SSBP2: variants seen among roughly 807,000 people sequenced by gnomAD.
SSBP2 encodes single-stranded DNA-binding protein 2.
In SSBP2, 17 loss-of-function variants were observed where a neutral mutation model predicts 61.8. That is an observed-to-expected ratio of 0.28 (90% confidence interval 0.19 to 0.41). The LOEUF is 0.41. SSBP2 is among the 10% of genes least tolerant of loss of function. SSBP2 has a pLI of 1.00. For synonymous variants in SSBP2, 139 were observed against 141.3 expected (o/e 0.98, Z 0.12); for missense variants, 310 against 458.7 (o/e 0.68, Z 2.96).
intron 3 of SSBP2, among the ~76,000 whole-genome samples, chr5:81,635,692 T>A (rs1249204992): frequency 6.6e-6 from 1 of 151,510 alleles, no homozygotes; most frequent in Non-Finnish European, 1.5e-5. Flanking sequence ...CACGCCATTC[T>A]CCTGCCTTAG....
chr5:81,576,188 C>CT (rs576003769), intron 4 of SSBP2, among the ~76,000 whole-genome samples: 1,535 of 141,504 alleles, frequency 0.011, 23 homozygotes, highest in African/African-American at 0.031. Flanking sequence ...TATCAGGCTT[C>CT]TTTTTTTTTT....
chr5:81,690,505 A>T (rs72773081), intron 1 of SSBP2, among the ~76,000 whole-genome samples: 10,195 of 152,242 alleles, frequency 0.067, 494 homozygotes, highest in Middle Eastern at 0.12. Flanking sequence ...ATATAATGAT[A>T]AAGTGATCAA....
At chr5:81,475,315 GA>G (rs2154025084) in intron 6 of SSBP2, among the ~76,000 whole-genome samples, 1 of 152,176 alleles carries the variant, frequency 6.6e-6, no homozygotes, top group African/African-American at 2.4e-5. Flanking sequence ...CTTAAAGCAT[GA>G]AAGTTATATC....
intron 16 of SSBP2, among the ~76,000 whole-genome samples, 182 bp from the exon 17 acceptor site, chr5:81,420,715 G>C (rs1316937879): frequency 1.3e-5 from 2 of 152,110 alleles, no homozygotes; most frequent in African/African-American, 4.8e-5. Context: ...ACTTAACTTA[G>C]TACTGAAATT....
intron 4 of SSBP2, among the ~76,000 whole-genome samples, chr5:81,567,399 C>T (rs186710100): frequency 3.3e-5 from 5 of 152,258 alleles, no homozygotes; most frequent in Admixed American, 6.5e-5. Context: ...GTTGAGCCTG[C>T]GGGTGCACAG....
intron 1 of SSBP2, among the ~76,000 whole-genome samples, chr5:81,665,085 ACTT>A (rs780207705): frequency 4.6e-5 from 7 of 152,118 alleles, no homozygotes; most frequent in East Asian, 1.9e-4. Flanking sequence ...AGTTTTCTCT[ACTT>A]CTGTAAAAAA....
At chr5:81,480,135 T>C (rs1323476229) in intron 6 of SSBP2, among the ~76,000 whole-genome samples, 1 of 152,224 alleles carries the variant, frequency 6.6e-6, no homozygotes, top group East Asian at 1.9e-4. Context: ...TGAAATAGTA[T>C]AAAAATTTAT....
At chr5:81,508,705 G>T (rs1157616008) in intron 5 of SSBP2, among the ~76,000 whole-genome samples, 2 of 152,106 alleles carry the variant, frequency 1.3e-5, no homozygotes, top group Admixed American at 6.6e-5. Flanking sequence ...ACTTGGTAAT[G>T]AATTTAAGTC....
At chr5:81,718,808 A>G (rs911789290) in intron 1 of SSBP2, among the ~76,000 whole-genome samples, 1 of 152,218 alleles carries the variant, frequency 6.6e-6, no homozygotes, top group African/African-American at 2.4e-5. Flanking sequence ...AGCGTCTTCC[A>G]TGATATTTAG....
chr5:81,648,955 CTG>C (rs1395649974), intron 2 of SSBP2, among the ~76,000 whole-genome samples: 1 of 151,992 alleles, frequency 6.6e-6, no homozygotes. Flanking sequence ...TTTGTTCACA[CTG>C]TCTTTAAAAT....
At chr5:81,724,533 TAGTA>T (rs1383583897) in intron 1 of SSBP2, among the ~76,000 whole-genome samples, 5 of 152,178 alleles carry the variant, frequency 3.3e-5, no homozygotes, top group South Asian at 4.1e-4. Context: ...AATTCGTACA[TAGTA>T]AGTGTGTACT....
At chr5:81,541,988 C>A (rs1274270145) in intron 4 of SSBP2, among the ~76,000 whole-genome samples, 1 of 152,200 alleles carries the variant, frequency 6.6e-6, no homozygotes, top group East Asian at 1.9e-4. Flanking sequence ...AACCAACCTA[C>A]AGAATGGGAG....
At chr5:81,630,328 A>C (rs892084882) in intron 3 of SSBP2, among the ~76,000 whole-genome samples, 4 of 152,204 alleles carry the variant, frequency 2.6e-5, no homozygotes, top group Admixed American at 6.5e-5. Context: ...TGCTGGATTT[A>C]AAGCCCATGG....
At chr5:81,628,705 TAAACTAAA>T (rs1747416943) in intron 3 of SSBP2, among the ~76,000 whole-genome samples, 1 of 151,796 alleles carries the variant, frequency 6.6e-6, no homozygotes, top group African/African-American at 2.4e-5. Flanking sequence ...ATGGGGTAAA[TAAACTAAA>T]AAGGAAAAGA....
intron 14 of SSBP2, among the ~76,000 whole-genome samples, chr5:81,439,143 C>A (rs1031721724): frequency 6.6e-6 from 1 of 151,918 alleles, no homozygotes; most frequent in Non-Finnish European, 1.5e-5. Flanking sequence ...ATTTCCTGAC[C>A]TTAGGTCGGG....
In SSBP2 at chr5:81,428,653, G is replaced by C; in HGVS notation, c.988C>G (p.Gln330Glu). 6.2e-7 allele frequency: 1 copy of C among 1,613,268 alleles called. No homozygotes were observed. The highest frequency in any genetic ancestry group is 1.1e-5 in the South Asian group (1 of 91,054). Residue 330 changes from glutamine (Q) to glutamate (E), a missense_variant, in exon 16 of 17, where the codon CAA becomes GAA. Gln to Glu is a conservative substitution (Grantham distance 29). Coordinates refer to ENST00000320672, the MANE Select transcript of SSBP2 (RefSeq NM_012446.5). ...CCATCATCCCTTGGAGTGCCCGGTT[G>C]ATTACTCAGGCTCATATTATTGGGA...
rs1444945271 is a variant in SSBP2 at position 81,418,020 on chromosome 5, T to A, written c.*2484A>T. On this transcript the variant is annotated 3_prime_UTR_variant, in exon 17 of 17. Coordinates refer to ENST00000320672, the MANE Select transcript of SSBP2 (RefSeq NM_012446.5). ...CATCATTCTTTGTGATAAGAAATAATACCTTCTCAGAAGGCGAAGAAAAGA... is the reference window on the plus strand; with the variant it reads ...CATCATTCTTTGTGATAAGAAATAAAACCTTCTCAGAAGGCGAAGAAAAGA... 6.6e-6 allele frequency: 1 copy of A among 152,166 alleles called. No individual in the cohort carries two copies. The highest frequency in any genetic ancestry group is 1.5e-5 in the Non-Finnish European group (1 of 68,018). 9.4% of individuals were successfully genotyped at this position (152,166 alleles called of 1,614,324 possible).
At chr5:81,549,279 A>C (rs1771993091) in intron 4 of SSBP2, among the ~76,000 whole-genome samples, 1 of 152,184 alleles carries the variant, frequency 6.6e-6, no homozygotes, top group Non-Finnish European at 1.5e-5. Flanking sequence ...TCTCTTCATC[A>C]ATCAATCTCT....
At chr5:81,497,050 A>G (rs751581822) in intron 5 of SSBP2, among the ~76,000 whole-genome samples, 6 of 152,232 alleles carry the variant, frequency 3.9e-5, no homozygotes, top group Non-Finnish European at 7.3e-5. Flanking sequence ...TAATTTGCAC[A>G]TAAAGCACCA....
Sources: allele counts gnomAD v4.1 joint callset (sites outside exome capture counted in the v4.1 genomes callset), GRCh38; gene constraint gnomAD v4.1.1; transcripts MANE v1.5; gene names NCBI Gene and HGNC (gene_info 2026-07-23, HGNC 2026-07-21).